DNAJB6: variants seen among roughly 807,000 people sequenced by gnomAD.
The protein encoded by DNAJB6 is dnaJ homolog subfamily B member 6.
DNAJB6 carries 16 observed loss-of-function variants against 42.7 expected under a neutral mutation model. The observed-to-expected ratio is 0.37, with a 90% CI of 0.25 to 0.57. The LOEUF (loss-of-function observed/expected upper bound fraction) is 0.57. DNAJB6 is among the 20% of genes least tolerant of loss of function. The pLI, the probability that DNAJB6 is intolerant of heterozygous loss-of-function variation, is 0.74. For missense variants in DNAJB6, 347 were observed against 416.8 expected (o/e 0.83, Z 1.46); for synonymous variants, 170 against 163.5 (o/e 1.04, Z -0.30).
At chr7:157,395,687 T>C (rs1316563972) in intron 8 of DNAJB6, among the ~76,000 whole-genome samples, 5 of 146,450 alleles carry the variant, frequency 3.4e-5, no homozygotes, top group Non-Finnish European at 7.5e-5. Flanking sequence ...TTCTTTTCTT[T>C]TTTTTTTTTT....
At chr7:157,365,528 C>T (rs1477713632) in intron 3 of DNAJB6, among the ~76,000 whole-genome samples, 1 of 152,126 alleles carries the variant, frequency 6.6e-6, no homozygotes. Flanking sequence ...CAGATATGGT[C>T]CTCTAATTGG....
chr7:157,415,930 T>C (rs1240165331), intron 9 of DNAJB6, 86 bp from the exon 10 acceptor site: 7 of 1,601,408 alleles, frequency 4.4e-6, no homozygotes, highest in Non-Finnish European at 6.0e-6. Context: ...GTTCTTAACA[T>C]GGGGAGATAT....
chr7:157,365,239 C>T (rs1235486641), intron 3 of DNAJB6, among the ~76,000 whole-genome samples: 1 of 152,270 alleles, frequency 6.6e-6, no homozygotes, highest in African/African-American at 2.4e-5. Context: ...TAGGCGTTAG[C>T]CACTGCATCC....
At chr7:157,379,805 C>CTTTTTTTTTTTT (rs57417414) in intron 5 of DNAJB6, 1 of 121,166 alleles carries the variant, frequency 8.3e-6, no homozygotes, top group Non-Finnish European at 1.7e-5. Flanking sequence ...GCAGAAATGC[C>CTTTTTTTTTTTT]TTTTTTTTTT....
At chr7:157,401,045 C>G (rs866044895) in intron 8 of DNAJB6, among the ~76,000 whole-genome samples, 2 of 152,088 alleles carry the variant, frequency 1.3e-5, no homozygotes, top group South Asian at 4.1e-4. Flanking sequence ...GCCGAAGCCC[C>G]GGGTTTTGAT....
intron 1 of DNAJB6, among the ~76,000 whole-genome samples, chr7:157,353,435 T>C (rs1220276566): frequency 6.6e-6 from 1 of 152,138 alleles, no homozygotes; most frequent in African/African-American, 2.4e-5. Flanking sequence ...ACCGCTACAG[T>C]ATTGTTAAAT....
intron 1 of DNAJB6, among the ~76,000 whole-genome samples, chr7:157,354,068 T>C (rs184017459): frequency 4.6e-5 from 7 of 152,366 alleles, no homozygotes; most frequent in Admixed American, 4.6e-4. Flanking sequence ...ACCTGTACTT[T>C]ATAGCTGGTT....
chr7:157,337,914 A>G (rs934784714), intron 1 of DNAJB6: 10 of 104,118 alleles, frequency 9.6e-5, no homozygotes, highest in African/African-American at 4.9e-4. Flanking sequence ...TCAGACGTAA[A>G]CTTCTGTGCT....
At chr7:157,362,685 A>G (rs1799662585) in intron 2 of DNAJB6, among the ~76,000 whole-genome samples, 1 of 152,208 alleles carries the variant, frequency 6.6e-6, no homozygotes, top group African/African-American at 2.4e-5. Flanking sequence ...TTTACTTCAC[A>G]TACTTGCTCA....
At chr7:157,345,215 A>C (rs894360009) in intron 1 of DNAJB6, among the ~76,000 whole-genome samples, 2 of 151,858 alleles carry the variant, frequency 1.3e-5, no homozygotes, top group African/African-American at 4.8e-5. Flanking sequence ...ACTGGTCTTG[A>C]ATTCCTGACC....
At chr7:157,366,922 C>T (rs536004947) in intron 4 of DNAJB6, among the ~76,000 whole-genome samples, 4 of 152,244 alleles carry the variant, frequency 2.6e-5, no homozygotes, top group Admixed American at 2.0e-4. Context: ...GGACTTTGTC[C>T]CCAAAAGTTC....
intron 8 of DNAJB6, among the ~76,000 whole-genome samples, chr7:157,389,201 C>T (rs147136682): frequency 1.3e-5 from 2 of 152,296 alleles, no homozygotes; most frequent in East Asian, 1.9e-4. Flanking sequence ...TGAAAAATGC[C>T]TGCTTATCCT....
intron 1 of DNAJB6, among the ~76,000 whole-genome samples, chr7:157,347,959 C>T (rs1351783307): frequency 3.3e-5 from 5 of 151,444 alleles, no homozygotes; most frequent in Admixed American, 3.3e-4. Flanking sequence ...CCATGCCTAG[C>T]TAATTTTTGT....
rs74978219 is a variant in DNAJB6 at position 157,357,803 on chromosome 7, T to A, written c.-26-744T>A. 9.7e-4 allele frequency among the ~76,000 whole-genome samples: 147 copies of A among 152,296 alleles called. 3 individuals carry two copies. The East Asian group carries it at 0.025, about 26-fold the overall frequency. Reference sequence around the variant, plus strand: ...TTGTACATTTTACTGCCCGGGGAAGTAACAAGGTTGAACCACGTAATCCAT... The same window carrying A: ...TTGTACATTTTACTGCCCGGGGAAGAAACAAGGTTGAACCACGTAATCCAT... On this transcript the variant is annotated intron_variant, in intron 1 of 9. Transcript: ENST00000262177.
chr7:157,370,304 T>A (rs1271649122), intron 5 of DNAJB6, among the ~76,000 whole-genome samples: 2 of 149,938 alleles, frequency 1.3e-5, no homozygotes, highest in Non-Finnish European at 3.0e-5. Context: ...GGGCCCCTTC[T>A]TAACATTATT....
intron 5 of DNAJB6, chr7:157,369,207 C>G (rs1799991580): frequency 2.2e-6 from 1 of 448,402 alleles, no homozygotes; most frequent in African/African-American, 2.0e-5. Flanking sequence ...AAACAGAGCT[C>G]AAGAAAGAAC....
chr7:157,357,575 C>T (rs761065137), intron 1 of DNAJB6, among the ~76,000 whole-genome samples: 6 of 151,810 alleles, frequency 4.0e-5, no homozygotes, highest in Non-Finnish European at 7.4e-5. Context: ...CCTCCTAAAG[C>T]GCTGGGATTA....
At chr7:157,354,352 G>A (rs551523307) in intron 1 of DNAJB6, among the ~76,000 whole-genome samples, 16 of 152,098 alleles carry the variant, frequency 1.1e-4, no homozygotes, top group African/African-American at 3.9e-4. Flanking sequence ...GCTCCATGTT[G>A]ATCAGGCTGG....
intron 8 of DNAJB6, among the ~76,000 whole-genome samples, chr7:157,404,786 G>A (rs555037585): frequency 1.5e-4 from 23 of 152,236 alleles, no homozygotes; most frequent in Admixed American, 3.9e-4. Context: ...GATTATAGGC[G>A]TGAGCCACCG....
Sources: allele counts gnomAD v4.1 joint callset (sites outside exome capture counted in the v4.1 genomes callset), GRCh38; gene constraint gnomAD v4.1.1; transcripts MANE v1.5; gene names NCBI Gene and HGNC (gene_info 2026-07-23, HGNC 2026-07-21).